CPSF6: variants seen among roughly 807,000 people sequenced by gnomAD.
CPSF6 encodes the protein cleavage and polyadenylation specificity factor subunit 6.
CPSF6 carries 10 observed loss-of-function variants against 56.7 expected under a neutral mutation model. That is an observed-to-expected ratio of 0.18 (90% CI 0.11 to 0.30). The LOEUF is 0.30. Ranked by LOEUF, CPSF6 falls within the 10% of genes least tolerant of loss-of-function variation. The probability of loss-of-function intolerance (pLI) is 1.00; values close to 1 mark genes in which losing one functional copy is unlikely to be tolerated. For synonymous variants in CPSF6, 248 were observed against 244.8 expected (o/e 1.01, Z -0.12); for missense variants, 419 against 722.9 (o/e 0.58, Z 4.82).
chr12:69,260,918 C>T (rs1404934683), intron 8 of CPSF6, among the ~76,000 whole-genome samples: 2 of 152,168 alleles, frequency 1.3e-5, no homozygotes, highest in African/African-American at 4.8e-5. Flanking sequence ...CAGCCATGCT[C>T]GTTATAATAT....
intron 8 of CPSF6, among the ~76,000 whole-genome samples, chr12:69,260,712 T>C (rs1872708005): frequency 6.6e-6 from 1 of 152,242 alleles, no homozygotes; most frequent in South Asian, 2.1e-4. Flanking sequence ...TTACTTGTTA[T>C]AAGGCATATT....
chr12:69,244,724 T>C (rs1173742095), intron 1 of CPSF6, among the ~76,000 whole-genome samples: 4 of 151,462 alleles, frequency 2.6e-5, no homozygotes, highest in Non-Finnish European at 5.9e-5. Context: ...TTTTAAAAAC[T>C]AAGATATACA....
At chr12:69,252,943 G>A in intron 2 of CPSF6, 108 bp from the exon 3 acceptor site, 1 of 645,694 alleles carries the variant, frequency 1.5e-6, no homozygotes, top group East Asian at 2.8e-5. Flanking sequence ...TTTGCACTCA[G>A]CATTTATTTT....
intron 2 of CPSF6, chr12:69,252,101 G>A (rs763986638): frequency 4.4e-6 from 2 of 454,760 alleles, no homozygotes; most frequent in Non-Finnish European, 8.8e-6. Context: ...GACAGAATTT[G>A]CAAAACTCTG....
At chr12:69,247,354 G>GA (rs1433444494) in intron 1 of CPSF6, among the ~76,000 whole-genome samples, 1 of 150,078 alleles carries the variant, frequency 6.7e-6, no homozygotes, top group African/African-American at 2.4e-5. Flanking sequence ...GGTAGGGAAT[G>GA]AAAAAAATTA....
intron 1 of CPSF6, among the ~76,000 whole-genome samples, chr12:69,250,066 A>G (rs943882424): frequency 6.6e-6 from 1 of 152,178 alleles, no homozygotes; most frequent in Non-Finnish European, 1.5e-5. Flanking sequence ...GGATTGTTCT[A>G]CATGTATTTC....
At chr12:69,256,946 C>A in intron 4 of CPSF6, 104 bp downstream of exon 4, 2 of 954,284 alleles carry the variant, frequency 2.1e-6, no homozygotes, top group Non-Finnish European at 3.1e-6. Context: ...TCACTAGGAA[C>A]TCCATTTCAC....
chr12:69,271,570 T>C lies in CPSF6; in HGVS notation c.*2062T>C, dbSNP rs927154185. The stretch of plus-strand genomic sequence containing the variant: ...GAACCTTTTAATTGCTCCTTCTATA[T>C]CACTCTTCTCCTTGCTTGGCTGATC... On this transcript the variant is annotated 3_prime_UTR_variant, in exon 10 of 10. Transcript: ENST00000435070. 1 of 151,756 alleles carries C rather than the reference T, an allele frequency of 6.6e-6. No individual in the cohort carries two copies. The highest frequency in any genetic ancestry group is 2.4e-5 in the African/African-American group (1 of 41,410). The allele number at this position is 151,756 out of a possible 1,614,324, so 9.4% of individuals were successfully genotyped here.
chr12:69,257,653 G>A (rs1463362440), intron 4 of CPSF6, 79 bp from the exon 5 acceptor site: 1 of 1,323,180 alleles, frequency 7.6e-7, no homozygotes, highest in Non-Finnish European at 1.1e-6. Context: ...TAGAAATAGA[G>A]TTGTTTTTAA....
At chr12:69,256,095 A>G (rs1333481843) in intron 3 of CPSF6, among the ~76,000 whole-genome samples, 1 of 152,208 alleles carries the variant, frequency 6.6e-6, no homozygotes, top group Non-Finnish European at 1.5e-5. Flanking sequence ...AAGCTTGAAA[A>G]CATGCTAGTT....
intron 1 of CPSF6, among the ~76,000 whole-genome samples, chr12:69,249,831 TG>T (rs1872139816): frequency 6.6e-6 from 1 of 152,248 alleles, no homozygotes; most frequent in Non-Finnish European, 1.5e-5. Flanking sequence ...CTCCTGTTTC[TG>T]TTTCATTTTA....
rs1275463174 is a variant in CPSF6, at chr12:69,257,793, T to C, written c.582T>C (p.Arg194=). 1 of 1,613,494 alleles carries C rather than the reference T, an allele frequency of 6.2e-7. No homozygotes were observed. The highest frequency in any genetic ancestry group is 1.3e-5 in the African/African-American group (1 of 74,968). Reference sequence around the variant, plus strand: ...CTGGTCCTCCAGGAGGCAGTTCCCGTGCAGCATTTCCACAAGGTGGTAGAG... The same window carrying C: ...CTGGTCCTCCAGGAGGCAGTTCCCGCGCAGCATTTCCACAAGGTGGTAGAG... ...GKAGPPGGSS[R]AAFPQGGRGR... The change falls in exon 5 of 10, where the codon CGT becomes CGC. Residue 194 remains arginine, a synonymous_variant. Coordinates refer to ENST00000435070, the MANE Select transcript of CPSF6 (RefSeq NM_007007.3).
At chr12:69,268,233 T>C (rs1019290027) in intron 9 of CPSF6, among the ~76,000 whole-genome samples, 1 of 151,758 alleles carries the variant, frequency 6.6e-6, no homozygotes, top group African/African-American at 2.4e-5. Context: ...AATAGCTTCA[T>C]CAACATAAGA....
Position 69,251,023 on chromosome 12 carries a change from C to T in CPSF6, c.61-106C>T, listed in dbSNP as rs552069374. 279 of 1,088,914 alleles carry T rather than the reference C, an allele frequency of 2.6e-4. 2 individuals are homozygous for T. In the African/African-American group the frequency reaches 3.6e-3, roughly 14 times the overall value. 67.5% of individuals were successfully genotyped at this position (1,088,914 alleles called of 1,614,324 possible). Reference sequence around the variant, plus strand: ...AAAAGATTTGTACTGAAATCCTTGGCCTTTTTCCATCAGATTTTTAAAACA... The same window carrying T: ...AAAAGATTTGTACTGAAATCCTTGGTCTTTTTCCATCAGATTTTTAAAACA... On this transcript the variant is annotated intron_variant, in intron 1 of 9. Coordinates refer to ENST00000435070, the MANE Select transcript of CPSF6 (RefSeq NM_007007.3).
rs1468262027 is a variant in CPSF6, at chr12:69,272,613, T to G, written c.*3105T>G. On this transcript the variant is annotated 3_prime_UTR_variant, in exon 10 of 10. Transcript: ENST00000435070. ...TTTCTAAAATGGCTCCAATTTTGTG[T>G]TTTAAGCTTCAGCTTAAGAGGAAGT... 1 of 151,814 alleles carries G rather than the reference T, an allele frequency of 6.6e-6. No homozygotes were observed. Among genetic ancestry groups the G allele is most frequent in the Admixed American group, 6.6e-5 (1 of 15,236 alleles). The allele number at this position is 151,814 out of a possible 1,614,324, so 9.4% of individuals were successfully genotyped here.
At chr12:69,266,710 A>T (rs1385852658) in intron 9 of CPSF6, among the ~76,000 whole-genome samples, 1 of 152,224 alleles carries the variant, frequency 6.6e-6, no homozygotes, top group African/African-American at 2.4e-5. Context: ...TGAATTATAA[A>T]TAACAGGTTA....
chr12:69,241,980 G>C (rs1209459979), intron 1 of CPSF6, among the ~76,000 whole-genome samples: 2 of 149,372 alleles, frequency 1.3e-5, no homozygotes, highest in African/African-American at 4.9e-5. Context: ...AGCTTATCTT[G>C]TTTTTAAAAA....
chr12:69,250,685 C>T (rs1455862135), intron 1 of CPSF6, among the ~76,000 whole-genome samples: 19 of 150,716 alleles, frequency 1.3e-4, no homozygotes, highest in Admixed American at 2.6e-4. Context: ...CTTGCTCTGT[C>T]GCCCAGGCTG....
rs1296501654 is a variant in CPSF6, at chr12:69,272,631, G to A, written c.*3123G>A. The A allele has an allele frequency of 6.6e-6, 1 of 151,754 alleles. No individual in the cohort carries two copies. The allele number at this position is 151,754 out of a possible 1,614,324, so 9.4% of individuals were successfully genotyped here. A position where few individuals can be genotyped will look rare whatever the true frequency, so the allele number is the denominator to read the frequency against. ...TTTTGTGTTTTAAGCTTCAGCTTAAGAGGAAGTTTATGTTCTAATTCTTGA... is the reference window on the plus strand; with the variant it reads ...TTTTGTGTTTTAAGCTTCAGCTTAAAAGGAAGTTTATGTTCTAATTCTTGA... On this transcript the variant is annotated 3_prime_UTR_variant, in exon 10 of 10. Coordinates refer to ENST00000435070, the MANE Select transcript of CPSF6 (RefSeq NM_007007.3).
Sources: allele counts gnomAD v4.1 joint callset (sites outside exome capture counted in the v4.1 genomes callset), GRCh38; gene constraint gnomAD v4.1.1; transcripts MANE v1.5; gene names NCBI Gene and HGNC (gene_info 2026-07-23, HGNC 2026-07-21).